The following IGF2R variants were observed in gnomAD, a reference collection of about 807,000 sequenced individuals.
IGF2R encodes insulin like growth factor 2 receptor, also known as cation-independent mannose-6-phosphate receptor.
IGF2R carries 91 observed loss-of-function variants against 270.6 expected under a neutral mutation model. The ratio of observed to expected loss-of-function variants is 0.34; its 90% confidence interval spans 0.28 to 0.40. The LOEUF is 0.40. Ranked by LOEUF, IGF2R falls within the 10% of genes least tolerant of loss-of-function variation. The probability of loss-of-function intolerance (pLI) is 1.00; values close to 1 mark genes in which losing one functional copy is unlikely to be tolerated. For synonymous variants in IGF2R, 1,316 were observed against 1,258.9 expected, an observed-to-expected ratio of 1.05 and a Z score of -0.96; for missense variants, 2,805 against 3,188.3, an observed-to-expected ratio of 0.88 and a Z score of 2.90.
intron 44 of IGF2R, chr6:160,095,548 C>T (rs1779337366): frequency 6.6e-6 from 1 of 152,216 alleles, no homozygotes; most frequent in Non-Finnish European, 1.5e-5. Flanking sequence ...AAAGCGTTGA[C>T]TGTTGTATCA....
chr6:160,019,361 A>C (rs1777378871), intron 4 of IGF2R, among the ~76,000 whole-genome samples: 1 of 152,330 alleles, frequency 6.6e-6, no homozygotes, highest in Middle Eastern at 3.4e-3. Context: ...TCAGGACCAG[A>C]CAGATTGACA....
At chr6:160,001,242 G>T (rs572633387) in intron 2 of IGF2R, among the ~76,000 whole-genome samples, 1 of 152,240 alleles carries the variant, frequency 6.6e-6, no homozygotes, top group Admixed American at 6.5e-5. Flanking sequence ...AGTGGCAGCA[G>T]TAGATGCTTA....
chr6:160,082,520 C>T (rs1364906555), intron 39 of IGF2R, among the ~76,000 whole-genome samples: 3 of 152,176 alleles, frequency 2.0e-5, no homozygotes, highest in Non-Finnish European at 4.4e-5. Context: ...CCATGTTGGT[C>T]AGGCTGGTCT....
chr6:160,048,568 T>C, intron 18 of IGF2R, 25 bp downstream of exon 18: 1 of 1,607,356 alleles, frequency 6.2e-7, no homozygotes, highest in East Asian at 2.2e-5. Flanking sequence ...ACTGCTTGTC[T>C]CCTTTGCCCT....
chr6:160,059,911 A>G (rs8191835), intron 22 of IGF2R, among the ~76,000 whole-genome samples: 16,719 of 152,350 alleles, frequency 0.11, 1,265 homozygotes, highest in Non-Finnish European at 0.17. Context: ...TATTTGTTCA[A>G]TAAGCCAACG....
chr6:160,064,444 A>T lies in IGF2R; in HGVS notation c.3930A>T (p.Lys1310Asn). 1 of 1,614,180 alleles carries T rather than the reference A, an allele frequency of 6.2e-7. No individual in the cohort carries two copies. Residue 1310 changes from lysine to asparagine, a missense_variant, in exon 28 of 48, where the codon AAA becomes AAT. Lys to Asn is a moderately conservative substitution (Grantham distance 94, BLOSUM62 0). Coordinates refer to ENST00000356956, the MANE Select transcript of IGF2R (RefSeq NM_000876.4). Reference sequence around the variant, plus strand: ...TAACTTATGAAAATGGCTTGTTAAAAATGAACTTCACGGGGGGGGACACTT... The same window carrying T: ...TAACTTATGAAAATGGCTTGTTAAATATGAACTTCACGGGGGGGGACACTT... ...QKLTYENGLL[K>N]MNFTGGDTCH...
intron 41 of IGF2R, among the ~76,000 whole-genome samples, chr6:160,085,885 C>T (rs1779088029): frequency 2.0e-5 from 3 of 152,200 alleles, no homozygotes; most frequent in Admixed American, 2.0e-4. Context: ...GAAGTGGCGC[C>T]CAGACCGCCA....
At chr6:159,988,567 T>A (rs1251497050) in intron 1 of IGF2R, among the ~76,000 whole-genome samples, 1 of 148,750 alleles carries the variant, frequency 6.7e-6, no homozygotes, top group African/African-American at 2.5e-5. Context: ...TACGTGTGGA[T>A]CTCTTTAGCG....
At chr6:160,032,036 A>G (rs910612756) in intron 7 of IGF2R, among the ~76,000 whole-genome samples, 1 of 151,160 alleles carries the variant, frequency 6.6e-6, no homozygotes, top group Non-Finnish European at 1.5e-5. Flanking sequence ...GGGTACAGAT[A>G]TGGTGGTGCC....
Position 160,088,159 on chromosome 6 carries a change from G to C in IGF2R, c.6320+12G>C. Reference sequence around the variant, plus strand: ...CCTGCATTCAAGAGGTCAGGAGACTGGGGGCTCAGAGCGGGACTGTGCAGT... The same window carrying C: ...CCTGCATTCAAGAGGTCAGGAGACTCGGGGCTCAGAGCGGGACTGTGCAGT... On this transcript the variant is annotated intron_variant, in intron 42 of 47. Transcript: ENST00000356956. 6.7e-7 allele frequency: 1 copy of C among 1,494,034 alleles called. No homozygotes were observed. Among genetic ancestry groups the C allele is most frequent in the Non-Finnish European group, 9.3e-7 (1 of 1,070,914 alleles). 92.5% of individuals were successfully genotyped at this position (1,494,034 alleles called of 1,614,324 possible).
rs370183140 is a variant in IGF2R at position 160,088,116 on chromosome 6, A to G, written c.6289A>G (p.Thr2097Ala). The G allele has an allele frequency of 2.5e-6, 4 of 1,613,084 alleles. No homozygotes were observed. The highest frequency in any genetic ancestry group is 1.7e-4 in the Middle Eastern group (1 of 6,056). The change falls in exon 42 of 48, where the codon ACA (threonine) becomes GCA (alanine). Residue 2097 changes from threonine (T) to alanine (A), a missense_variant. By Grantham distance (58) the Thr-to-Ala change is moderately conservative (BLOSUM62 0). Transcript: ENST00000356956. Reference protein sequence around the residue: ...TASSVIELTCTKTVGRPAFKR... With the variant: ...TASSVIELTCAKTVGRPAFKR... ...ATCCTCCGTGATAGAATTGACCTGT[A>G]CAAAGACGGTGGGCAGACCTGCATT...
chr6:160,047,198 G>A lies in IGF2R; in HGVS notation c.2091G>A (p.Lys697=). 2 of 1,614,168 alleles carry A rather than the reference G, an allele frequency of 1.2e-6. No homozygotes were observed. Among genetic ancestry groups the A allele is most frequent in the South Asian group, 2.2e-5 (2 of 91,086 alleles). ...KTWNLGLSNA[K]LSYYDGMIQL... ...GGAACTTGGGTCTGAGTAATGCGAAGCTTTCATATTATGATGGGATGATCC... is the reference window on the plus strand; with the variant it reads ...GGAACTTGGGTCTGAGTAATGCGAAACTTTCATATTATGATGGGATGATCC... The change falls in exon 16 of 48, where the codon AAG becomes AAA. Residue 697 remains lysine (K), a synonymous_variant. Coordinates refer to ENST00000356956, the MANE Select transcript of IGF2R (RefSeq NM_000876.4).
chr6:160,056,175 A>G (rs778087248), intron 19 of IGF2R, among the ~76,000 whole-genome samples: 1 of 152,152 alleles, frequency 6.6e-6, no homozygotes, highest in Non-Finnish European at 1.5e-5. Context: ...TCTGAATTCT[A>G]CCATTTACTG....
At chr6:160,075,631 C>T (rs961401654) in intron 35 of IGF2R, among the ~76,000 whole-genome samples, 4 of 152,178 alleles carry the variant, frequency 2.6e-5, no homozygotes, top group East Asian at 3.9e-4. Flanking sequence ...TTAGAACTAA[C>T]GTTAGGATCA....
At chr6:160,067,561 C>A (rs1318652280) in intron 29 of IGF2R, among the ~76,000 whole-genome samples, 1 of 152,182 alleles carries the variant, frequency 6.6e-6, no homozygotes, top group Non-Finnish European at 1.5e-5. Context: ...TAGCACACAG[C>A]TTTTGAATGA....
Position 160,102,197 on chromosome 6 carries a change from C to T in IGF2R, c.6843-322C>T, listed in dbSNP as rs1779502049. ...AGCCTCTGCCCCAGCCTAGTCCTGC[C>T]GTGGATTGGGCCACCTAGAGGGGGC... On this transcript the variant is annotated intron_variant, in intron 45 of 47. Transcript: ENST00000356956. The surrounding 1 kb of genome is among the most constrained non-coding windows in gnomAD (Gnocchi z 4.5). Among the ~76,000 whole-genome samples the T allele has an allele frequency of 6.6e-6, 1 of 152,194 alleles. No homozygotes were observed. Among genetic ancestry groups the T allele is most frequent in the African/African-American group, 2.4e-5 (1 of 41,454 alleles).
chr6:160,061,951 A>G, intron 25 of IGF2R, 23 bp downstream of exon 25: 1 of 1,608,436 alleles, frequency 6.2e-7, no homozygotes, highest in South Asian at 1.1e-5. Context: ...ACCAGCAATG[A>G]GATGTTGTCC....
intron 39 of IGF2R, among the ~76,000 whole-genome samples, chr6:160,082,012 TTAAAG>T (rs1469847038): frequency 1.8e-4 from 28 of 152,300 alleles, no homozygotes; most frequent in African/African-American, 6.7e-4. Context: ...GATTAAGAGA[TTAAAG>T]TAAAGACAGG....
intron 1 of IGF2R, among the ~76,000 whole-genome samples, chr6:159,976,906 G>T (rs1783703629): frequency 6.6e-6 from 1 of 152,180 alleles, no homozygotes; most frequent in East Asian, 1.9e-4. Flanking sequence ...TTGGGTCAAA[G>T]TTACTCATGG....
Sources: gnomAD v4.1 joint callset for allele counts (sites outside exome capture counted in the v4.1 genomes callset) on GRCh38, gnomAD v4.1.1 for gene constraint, Gnocchi (gnomAD v3.1) non-coding constraint, MANE v1.5 for transcripts, NCBI Gene and HGNC (gene_info 2026-07-23, HGNC 2026-07-21) for gene names.